Variants in PDZRN4 observed in about 807,000 individuals in gnomAD.
PDZRN4 encodes the protein PDZ domain-containing RING finger protein 4.
A neutral mutation model predicts 99.0 loss-of-function variants in PDZRN4; 70 were observed. That is an observed-to-expected ratio of 0.71 (90% CI 0.58 to 0.86). The LOEUF (loss-of-function observed/expected upper bound fraction) is 0.86, where lower values mean the gene tolerates loss of function less well. Ranked by LOEUF, PDZRN4 falls within the 40% of genes least tolerant of loss-of-function variation. The pLI is 0.00. For missense variants in PDZRN4, 1,474 were observed against 1,331.2 expected, an observed-to-expected ratio of 1.11 and a Z score of -1.67; for synonymous variants, 551 against 501.6, an observed-to-expected ratio of 1.10 and a Z score of -1.32.
intron 3 of PDZRN4, among the ~76,000 whole-genome samples, chr12:41,350,847 G>A (rs1951885162): frequency 2.3e-5 from 1 of 44,306 alleles, no homozygotes; most frequent in South Asian, 6.8e-4. Flanking sequence ...ACTGGAGTTT[G>A]TCTGACCCAG....
intron 5 of PDZRN4, among the ~76,000 whole-genome samples, chr12:41,518,420 G>T (rs1938439218): frequency 6.6e-6 from 1 of 151,914 alleles, no homozygotes; most frequent in Admixed American, 6.6e-5. Context: ...ATTTTTGGGG[G>T]TTTCAGCAAT....
chr12:41,435,751 G>A (rs1952623941), intron 3 of PDZRN4, among the ~76,000 whole-genome samples: 1 of 152,064 alleles, frequency 6.6e-6, no homozygotes, highest in South Asian at 2.1e-4. Flanking sequence ...TGGCACCACT[G>A]CACTCCACTC....
intron 5 of PDZRN4, among the ~76,000 whole-genome samples, chr12:41,537,915 A>G (rs1201511864): frequency 6.6e-6 from 1 of 151,976 alleles, no homozygotes; most frequent in East Asian, 1.9e-4. Context: ...TCTGGTTCTG[A>G]TGCCAGCAGA....
In PDZRN4 at chr12:41,216,420, G is replaced by A. The variant is rs543325549; in HGVS notation, c.843+22232G>A. ...CAAGGATTCTATATAGACCTTGAACGATGGGTAGGATTTTAGAAGCTTGTG... is the reference window on the plus strand; with the variant it reads ...CAAGGATTCTATATAGACCTTGAACAATGGGTAGGATTTTAGAAGCTTGTG... On this transcript the variant is annotated intron_variant, in intron 3 of 9. Transcript: ENST00000402685. Among the ~76,000 whole-genome samples, 34 of 152,058 alleles carry A rather than the reference G, an allele frequency of 2.2e-4. No homozygotes were observed. The South Asian group carries it at 6.2e-3, about 28-fold the overall frequency.
chr12:41,346,393 C>T (rs1352599326), intron 3 of PDZRN4, among the ~76,000 whole-genome samples: 1 of 151,956 alleles, frequency 6.6e-6, no homozygotes, highest in Non-Finnish European at 1.5e-5. Context: ...ACCTGGGAGG[C>T]GGAGCTTGCA....
At chr12:41,421,871 T>C (rs1296862951) in intron 3 of PDZRN4, among the ~76,000 whole-genome samples, 1 of 152,178 alleles carries the variant, frequency 6.6e-6, no homozygotes, top group Non-Finnish European at 1.5e-5. Context: ...TATCATATGT[T>C]TATAAGTAAA....
At chr12:41,356,648 A>G (rs1355778672) in intron 3 of PDZRN4, among the ~76,000 whole-genome samples, 1 of 151,982 alleles carries the variant, frequency 6.6e-6, no homozygotes, top group Non-Finnish European at 1.5e-5. Flanking sequence ...GTCTGATACC[A>G]TAATTATACC....
chr12:41,322,664 T>C (rs946517149), intron 3 of PDZRN4, among the ~76,000 whole-genome samples: 1 of 151,390 alleles, frequency 6.6e-6, no homozygotes, highest in Non-Finnish European at 1.5e-5. Flanking sequence ...CTAATTATTG[T>C]TTTTTGTATT....
At chr12:41,307,517 A>C (rs187741537) in intron 3 of PDZRN4, among the ~76,000 whole-genome samples, 51 of 152,198 alleles carry the variant, frequency 3.4e-4, no homozygotes, top group Admixed American at 2.7e-3. Flanking sequence ...ATCACACTGG[A>C]GATTAGGGCT....
At chr12:41,303,765 G>T (rs1343379913) in intron 3 of PDZRN4, among the ~76,000 whole-genome samples, 1 of 152,136 alleles carries the variant, frequency 6.6e-6, no homozygotes, top group Non-Finnish European at 1.5e-5. Context: ...CTTCAATTAT[G>T]TGCTCTTGCT....
intron 3 of PDZRN4, among the ~76,000 whole-genome samples, chr12:41,212,901 G>T (rs1194824625): frequency 6.6e-6 from 1 of 152,098 alleles, no homozygotes; most frequent in South Asian, 2.1e-4. Flanking sequence ...ATAGGAAAAG[G>T]CTTAGTGTAT....
At chr12:41,435,963 A>C (rs1952625375) in intron 3 of PDZRN4, among the ~76,000 whole-genome samples, 1 of 152,214 alleles carries the variant, frequency 6.6e-6, no homozygotes, top group Non-Finnish European at 1.5e-5. Flanking sequence ...TAGAGAAGTT[A>C]AAACTTTCAA....
intron 3 of PDZRN4, among the ~76,000 whole-genome samples, chr12:41,237,054 G>T (rs1378858862): frequency 6.6e-6 from 1 of 151,996 alleles, no homozygotes; most frequent in East Asian, 1.9e-4. Flanking sequence ...AGGCAAGAAG[G>T]ATTAGAATTC....
At chr12:41,432,212 A>G (rs913812162) in intron 3 of PDZRN4, among the ~76,000 whole-genome samples, 5 of 152,346 alleles carry the variant, frequency 3.3e-5, no homozygotes, top group African/African-American at 1.2e-4. Flanking sequence ...ACAACTGACA[A>G]AGCACATTTG....
At chr12:41,190,171 C>A (rs1465153377) in intron 1 of PDZRN4, among the ~76,000 whole-genome samples, 1 of 152,164 alleles carries the variant, frequency 6.6e-6, no homozygotes, top group Admixed American at 6.5e-5. Context: ...ACTGGCTGCT[C>A]CACACTGCCT....
At chr12:41,510,950 T>G (rs887837166) in intron 5 of PDZRN4, among the ~76,000 whole-genome samples, 1 of 152,232 alleles carries the variant, frequency 6.6e-6, no homozygotes, top group East Asian at 1.9e-4. Context: ...TCATGTTAAA[T>G]TTTTACCTCC....
At chr12:41,423,396 T>C (rs1952507933) in intron 3 of PDZRN4, among the ~76,000 whole-genome samples, 1 of 152,078 alleles carries the variant, frequency 6.6e-6, no homozygotes, top group Non-Finnish European at 1.5e-5. Flanking sequence ...ACATGAGGTG[T>C]TTGGTTTTCG....
intron 3 of PDZRN4, among the ~76,000 whole-genome samples, chr12:41,307,394 A>G (rs527419315): frequency 2.0e-5 from 3 of 152,208 alleles, no homozygotes; most frequent in South Asian, 2.1e-4. Context: ...AGGGCAAAAG[A>G]GCTCTGTCTC....
At chr12:41,529,305 C>T (rs1938622004) in intron 5 of PDZRN4, among the ~76,000 whole-genome samples, 2 of 152,072 alleles carry the variant, frequency 1.3e-5, no homozygotes. Flanking sequence ...TTCTCATTCC[C>T]TTTATAAGCT....
Sources: gnomAD v4.1 joint callset for allele counts (sites outside exome capture counted in the v4.1 genomes callset) on GRCh38, gnomAD v4.1.1 for gene constraint, MANE v1.5 for transcripts, NCBI Gene and HGNC (gene_info 2026-07-23, HGNC 2026-07-21) for gene names.